Variants in AFG3L2 observed in about 807,000 individuals in gnomAD.
AFG3L2 encodes AFG3 like matrix AAA peptidase subunit 2.
In AFG3L2, 54 loss-of-function variants were observed where a neutral mutation model predicts 94.5. That is an observed-to-expected ratio of 0.57 (90% CI 0.46 to 0.72). The LOEUF is 0.72. Among genes scored for constraint, AFG3L2 ranks in the 30% least tolerant of loss-of-function variants. The pLI, the probability that AFG3L2 is intolerant of heterozygous loss-of-function variation, is 0.00. For missense variants in AFG3L2, 754 were observed against 994.9 expected (o/e 0.76, Z 3.26); for synonymous variants, 377 against 365.5 (o/e 1.03, Z -0.36).
At chr18:12,340,108 A>G (rs746779159) in intron 15 of AFG3L2, 93 bp downstream of exon 15, 17 of 1,195,426 alleles carry the variant, frequency 1.4e-5, no homozygotes, top group Non-Finnish European at 2.1e-5. Context: ...ACAGTGAAGC[A>G]CAACTATATT....
chr18:12,340,270 G>A lies in AFG3L2; in HGVS notation c.1911C>T (p.Ile637=). ...MTLGGRVSEE[I]FFGRITTGAQ... ...CACCAGTTGTAATTCTTCCAAAGAAGATTTCTTCAGAGACTCGACCACCTA... is the reference window on the plus strand; with the variant it reads ...CACCAGTTGTAATTCTTCCAAAGAAAATTTCTTCAGAGACTCGACCACCTA... The change falls in exon 15 of 17, where the codon ATC becomes ATT. Residue 637 remains isoleucine (I), a synonymous_variant. Coordinates refer to ENST00000269143, the MANE Select transcript of AFG3L2 (RefSeq NM_006796.3). The A allele has an allele frequency of 6.2e-7, 1 of 1,614,154 alleles. No individual in the cohort carries two copies. The highest frequency in any genetic ancestry group is 8.5e-7 in the Non-Finnish European group (1 of 1,180,034).
At chr18:12,330,555 A>G (rs896147520) in intron 16 of AFG3L2, among the ~76,000 whole-genome samples, 1 of 152,132 alleles carries the variant, frequency 6.6e-6, no homozygotes, top group African/African-American at 2.4e-5. Flanking sequence ...AGGTGGGCGG[A>G]TCACCTGAGG....
intron 3 of AFG3L2, among the ~76,000 whole-genome samples, chr18:12,368,163 G>A (rs917001836): frequency 1.3e-5 from 2 of 148,822 alleles, no homozygotes; most frequent in Admixed American, 6.7e-5. Flanking sequence ...GTGAAACTCC[G>A]TCTCAAAAAA....
chr18:12,361,027 T>C (rs73401929), intron 6 of AFG3L2, among the ~76,000 whole-genome samples: 4,224 of 152,308 alleles, frequency 0.028, 181 homozygotes, highest in African/African-American at 0.096. Context: ...TAACCTGCAA[T>C]CATCTTTTTT....
At chr18:12,367,662 T>C (rs932550946) in intron 3 of AFG3L2, among the ~76,000 whole-genome samples, 1 of 152,210 alleles carries the variant, frequency 6.6e-6, no homozygotes, top group African/African-American at 2.4e-5. Context: ...GGAGAAAGTA[T>C]AGCTTAAGTA....
chr18:12,360,657 G>C (rs1225330595), intron 6 of AFG3L2, among the ~76,000 whole-genome samples: 1 of 152,192 alleles, frequency 6.6e-6, no homozygotes, highest in Non-Finnish European at 1.5e-5. Context: ...GAGACCCAGA[G>C]GGCCCAGCAC....
At position 12,358,855 on chromosome 18, in the gene AFG3L2, T is replaced by C. The variant is rs200759046; in HGVS notation, c.841A>G (p.Thr281Ala). ...AAGAGTCCGCCCATCCCTCGGCCTGTCCGGCCAATGCCAGCAGGCCCTCTT... is the reference window on the plus strand; with the variant it reads ...AAGAGTCCGCCCATCCCTCGGCCTGCCCGGCCAATGCCAGCAGGCCCTCTT... Reference protein sequence around the residue: ...IRRGPAGIGRTGRGMGGLFSV... With the variant: ...IRRGPAGIGRAGRGMGGLFSV... The change falls in exon 8 of 17, where the codon ACA (threonine) becomes GCA (alanine). Residue 281 changes from threonine to alanine, a missense_variant. Transcript: ENST00000269143. 4.3e-5 allele frequency: 69 copies of C among 1,614,232 alleles called. No individual in the cohort carries two copies. The Admixed American group carries it at 6.0e-4, about 14-fold the overall frequency.
At chr18:12,332,940 C>T (rs13381431) in intron 16 of AFG3L2, among the ~76,000 whole-genome samples, 24,500 of 111,528 alleles carry the variant, frequency 0.22, 4,935 homozygotes, top group East Asian at 0.51. Flanking sequence ...TACTATATAA[C>T]ATATAATATA....
intron 7 of AFG3L2, 138 bp from the exon 8 acceptor site, chr18:12,359,081 G>T: frequency 7.8e-7 from 1 of 1,285,884 alleles, no homozygotes; most frequent in Non-Finnish European, 1.1e-6. Flanking sequence ...AGGGTAACTT[G>T]CAAGTGTTCT....
At chr18:12,343,851 T>TC in intron 14 of AFG3L2, 1 of 508,256 alleles carries the variant, frequency 2.0e-6, no homozygotes, top group Admixed American at 3.2e-5. Context: ...AGCCACAGGC[T>TC]CCCAGTTCAA....
intron 3 of AFG3L2, among the ~76,000 whole-genome samples, 169 bp downstream of exon 3, chr18:12,370,680 A>G (rs1218631445): frequency 1.3e-5 from 2 of 151,770 alleles, no homozygotes; most frequent in African/African-American, 2.4e-5. Flanking sequence ...GCTGGTCTCA[A>G]CCTCCTGGGC....
In AFG3L2 at chr18:12,351,078, C is replaced by A. The variant is rs373106745; in HGVS notation, c.1552+7G>T. On this transcript the variant is annotated splice_region_variant and intron_variant, in intron 12 of 16. Coordinates refer to ENST00000269143, the MANE Select transcript of AFG3L2 (RefSeq NM_006796.3). ...TCTAAATAGGGTCCTCGTTATTTTC[C>A]ACTCACCTGAAAACCCTGGAGTTAA... The A allele has an allele frequency of 1.9e-6, 3 of 1,612,316 alleles. No individual in the cohort carries two copies. In the African/African-American group the frequency reaches 4.0e-5, roughly 22 times the overall value.
intron 16 of AFG3L2, among the ~76,000 whole-genome samples, chr18:12,335,788 C>CT (rs1907724281): frequency 1.3e-5 from 2 of 152,218 alleles, no homozygotes; most frequent in African/African-American, 4.8e-5. Context: ...TCTGCCCATG[C>CT]TGGCCTTTTC....
chr18:12,360,908 T>G (rs1908640132), intron 6 of AFG3L2, among the ~76,000 whole-genome samples: 1 of 152,196 alleles, frequency 6.6e-6, no homozygotes, highest in South Asian at 2.1e-4. Flanking sequence ...ATGAGGACAC[T>G]GATTTTAACA....
At chr18:12,339,236 C>CAAAAAAA (rs539968042) in intron 15 of AFG3L2, among the ~76,000 whole-genome samples, 5 of 41,300 alleles carry the variant, frequency 1.2e-4, no homozygotes, top group Admixed American at 4.4e-4. Flanking sequence ...GACTCTGTCT[C>CAAAAAAA]AAAAAAAAAA....
intron 2 of AFG3L2, 148 bp downstream of exon 2, chr18:12,371,444 C>A: frequency 1.4e-6 from 1 of 691,704 alleles, no homozygotes; most frequent in Non-Finnish European, 2.5e-6. Flanking sequence ...ATATCAATTT[C>A]ATTATCTACA....
chr18:12,355,963 C>T (rs1394901740), intron 9 of AFG3L2, among the ~76,000 whole-genome samples: 2 of 152,030 alleles, frequency 1.3e-5, no homozygotes, highest in Non-Finnish European at 2.9e-5. Context: ...TGAGCCACCA[C>T]GCCCGGCCAC....
chr18:12,366,042 T>A (rs1319330771), intron 5 of AFG3L2, among the ~76,000 whole-genome samples: 2 of 151,934 alleles, frequency 1.3e-5, no homozygotes, highest in Admixed American at 6.6e-5. Context: ...ACCCGGCTAA[T>A]TTTTTGTATT....
chr18:12,331,915 T>G (rs1429675902), intron 16 of AFG3L2, among the ~76,000 whole-genome samples: 1 of 151,174 alleles, frequency 6.6e-6, no homozygotes, highest in African/African-American at 2.5e-5. Context: ...GACAGTAGTT[T>G]ACTTTGAAGT....
Sources: allele counts gnomAD v4.1 joint callset (sites outside exome capture counted in the v4.1 genomes callset), GRCh38; gene constraint gnomAD v4.1.1; transcripts MANE v1.5; gene names NCBI Gene and HGNC (gene_info 2026-07-23, HGNC 2026-07-21).